Variants in ERCC6L2 observed in about 807,000 individuals in gnomAD.
ERCC6L2 encodes the protein ERCC excision repair 6 like 2.
A neutral mutation model predicts 132.0 loss-of-function variants in ERCC6L2; 77 were observed. The ratio of observed to expected loss-of-function variants is 0.58; its 90% CI spans 0.49 to 0.71. The LOEUF (loss-of-function observed/expected upper bound fraction) is 0.71. Ranked by LOEUF, ERCC6L2 falls within the 30% of genes least tolerant of loss-of-function variation. The pLI is 0.00. For synonymous variants in ERCC6L2, 583 were observed against 632.4 expected (o/e 0.92, Z 1.17); for missense variants, 1,542 against 1,837.6 (o/e 0.84, Z 2.94).
intron 3 of ERCC6L2, 140 bp from the exon 4 acceptor site, chr9:95,906,938 A>G (rs979736122): frequency 1.6e-6 from 1 of 640,174 alleles, no homozygotes; most frequent in Non-Finnish European, 2.7e-6. Context: ...AGATATAGCT[A>G]ATCACTCAGT....
intron 12 of ERCC6L2, among the ~76,000 whole-genome samples, chr9:95,950,667 T>A (rs1047388712): frequency 4.6e-5 from 7 of 152,198 alleles, no homozygotes; most frequent in Non-Finnish European, 1.0e-4. Flanking sequence ...ATGCAAATAG[T>A]AACCAAAAGA....
At chr9:95,882,568 A>G (rs1277096070) in intron 2 of ERCC6L2, among the ~76,000 whole-genome samples, 1 of 152,146 alleles carries the variant, frequency 6.6e-6, no homozygotes, top group Admixed American at 6.5e-5. Flanking sequence ...TATTACCTCC[A>G]TTAGTTATTG....
chr9:95,883,059 T>C (rs559532752), intron 2 of ERCC6L2, among the ~76,000 whole-genome samples: 2 of 152,284 alleles, frequency 1.3e-5, no homozygotes, highest in South Asian at 4.1e-4. Context: ...TTTAAACTTG[T>C]ATTTGTTTTA....
rs1174324322 is a variant in ERCC6L2 at position 96,037,590 on chromosome 9, G to A, written c.*1504-1286G>A. Among the ~76,000 whole-genome samples, 3 of 152,322 alleles carry A rather than the reference G, an allele frequency of 2.0e-5. No homozygotes were observed. In the East Asian group the frequency reaches 5.8e-4, roughly 29 times the overall value. On this transcript the variant is annotated intron_variant and NMD_transcript_variant, in intron 19 of 20. Coordinates refer to the ERCC6L2 transcript ENST00000670016. ...GTCCACCAAAGCAGGAAATACAGTCGGGGAGGGCATGGAGCCAGGCACATG... is the reference window on the plus strand; with the variant it reads ...GTCCACCAAAGCAGGAAATACAGTCAGGGAGGGCATGGAGCCAGGCACATG...
Position 95,928,059 on chromosome 9 carries a change from T to G in ERCC6L2, c.1534-20T>G, listed in dbSNP as rs749962158. On this transcript the variant is annotated intron_variant, in intron 9 of 18. Coordinates refer to ENST00000653738, the MANE Select transcript of ERCC6L2 (RefSeq NM_020207.7). ...TTTTAGTTGGAACTGGTTCACTGAT[T>G]TTCTGTGGTTCATTTTCAGGTCCTT... 6.3e-7 allele frequency: 1 copy of G among 1,592,378 alleles called. No individual in the cohort carries two copies. The highest frequency in any genetic ancestry group is 1.1e-5 in the South Asian group (1 of 90,470).
At chr9:95,951,276 A>G (rs1309257105) in intron 12 of ERCC6L2, among the ~76,000 whole-genome samples, 1 of 152,186 alleles carries the variant, frequency 6.6e-6, no homozygotes, top group Admixed American at 6.5e-5. Context: ...ACAAATGAAA[A>G]CACACACCAC....
intron 12 of ERCC6L2, among the ~76,000 whole-genome samples, chr9:95,947,688 A>G (rs985327700): frequency 6.6e-6 from 1 of 152,220 alleles, no homozygotes; most frequent in Admixed American, 6.5e-5. Flanking sequence ...TTAGAGACTA[A>G]TGGAGCTGGT....
At chr9:95,969,444 A>G (rs1832313464) in intron 14 of ERCC6L2, among the ~76,000 whole-genome samples, 2 of 152,082 alleles carry the variant, frequency 1.3e-5, no homozygotes, top group Non-Finnish European at 2.9e-5. Flanking sequence ...GATGCTGTAT[A>G]TATTATCCAG....
Position 95,955,962 on chromosome 9 carries a change from A to G in ERCC6L2, c.1896A>G (p.Ile632Met). 6.2e-7 allele frequency: 1 copy of G among 1,608,422 alleles called. No homozygotes were observed. Among genetic ancestry groups the G allele is most frequent in the Non-Finnish European group, 8.5e-7 (1 of 1,177,058 alleles). The change falls in exon 13 of 19, where the codon ATA becomes ATG. Residue 632 changes from isoleucine (I) to methionine (M), a missense_variant. Physicochemically the swap from Ile to Met is conservative, Grantham distance 10. Transcript: ENST00000653738. ...QCRDVKVLRL[I>M]SLGTVEEIMY... is the part of the protein sequence containing the mutation. The stretch of plus-strand genomic sequence containing the variant: ...GAGATGTCAAAGTGCTTAGGCTGAT[A>G]TCCTTGGGAACTGTGGAGGAAATCA...
chr9:95,946,893 C>G (rs1831090078), intron 12 of ERCC6L2, among the ~76,000 whole-genome samples: 1 of 152,132 alleles, frequency 6.6e-6, no homozygotes, highest in South Asian at 2.1e-4. Flanking sequence ...AACCATGCCC[C>G]TATAAAAAGA....
chr9:95,948,455 C>G (rs948997924), intron 12 of ERCC6L2, among the ~76,000 whole-genome samples: 3 of 152,128 alleles, frequency 2.0e-5, no homozygotes, highest in African/African-American at 7.2e-5. Context: ...GAGTTTGAGA[C>G]CAGCCTGGCC....
In ERCC6L2 at chr9:95,996,675, C is replaced by T. The variant is rs557681436; in HGVS notation, c.3493-7845C>T. 9.2e-5 allele frequency among the ~76,000 whole-genome samples: 14 copies of T among 152,326 alleles called. No individual in the cohort carries two copies. In the East Asian group the frequency reaches 1.7e-3, roughly 19 times the overall value. ...TTATGCCAAATCTATTCCACTTGTG[C>T]TCCATAAATGAACCAACAAAGCCTG... On this transcript the variant is annotated intron_variant, in intron 17 of 18. Coordinates refer to ENST00000653738, the MANE Select transcript of ERCC6L2 (RefSeq NM_020207.7).
intron 11 of ERCC6L2, among the ~76,000 whole-genome samples, chr9:95,935,096 AT>A (rs1160678645): frequency 6.6e-6 from 1 of 152,190 alleles, no homozygotes; most frequent in Non-Finnish European, 1.5e-5. Flanking sequence ...AAATAAGAGA[AT>A]TTTTGCCTTT....
At chr9:95,883,452 A>G (rs940015302) in intron 2 of ERCC6L2, among the ~76,000 whole-genome samples, 1 of 152,228 alleles carries the variant, frequency 6.6e-6, no homozygotes, top group African/African-American at 2.4e-5. Context: ...AGGAAAATTA[A>G]TAAATTAATT....
chr9:95,994,628 T>C (rs1833412896), intron 17 of ERCC6L2, among the ~76,000 whole-genome samples: 1 of 152,220 alleles, frequency 6.6e-6, no homozygotes, highest in Non-Finnish European at 1.5e-5. Context: ...CCAAGCCTTC[T>C]CTGCACCTTG....
chr9:95,972,858 A>C lies in ERCC6L2; in HGVS notation c.3107A>C (p.Gln1036Pro), dbSNP rs376412922. Residue 1036 changes from glutamine (Q) to proline (P), a missense_variant, in exon 16 of 19, where the codon CAG becomes CCG. Transcript: ENST00000653738. Reference sequence around the variant, plus strand: ...GCAGCAAATGAGGATCATAACTCTCAGTTTATTGATGATTATTCATCCTCA... The same window carrying C: ...GCAGCAAATGAGGATCATAACTCTCCGTTTATTGATGATTATTCATCCTCA... ...VYAANEDHNS[Q>P]FIDDYSSSDE... 8.4e-6 allele frequency: 11 copies of C among 1,305,158 alleles called. No homozygotes were observed. Among genetic ancestry groups the C allele is most frequent in the Non-Finnish European group, 1.1e-5 (11 of 988,834 alleles). The allele number at this position is 1,305,158 out of a possible 1,614,324, so 80.8% of individuals were successfully genotyped here.
chr9:96,027,731 C>G (rs2133261085), intron 19 of ERCC6L2: 1 of 152,684 alleles, frequency 6.5e-6, no homozygotes, highest in South Asian at 2.1e-4. Context: ...TCCAAGGCCC[C>G]CGGCCGCTCT....
chr9:95,952,731 T>C (rs1330113511), intron 12 of ERCC6L2, among the ~76,000 whole-genome samples: 3 of 152,006 alleles, frequency 2.0e-5, no homozygotes, highest in Non-Finnish European at 4.4e-5. Flanking sequence ...AGCTGCTTGC[T>C]TGGGTGGCCA....
chr9:95,891,572 T>A (rs924831775), intron 2 of ERCC6L2, among the ~76,000 whole-genome samples: 3 of 152,052 alleles, frequency 2.0e-5, no homozygotes, highest in African/African-American at 7.2e-5. Flanking sequence ...AATTAGTGGG[T>A]TTTATGGTAA....
Sources: gnomAD v4.1 joint callset for allele counts (sites outside exome capture counted in the v4.1 genomes callset) on GRCh38, gnomAD v4.1.1 for gene constraint, MANE v1.5 for transcripts, NCBI Gene and HGNC (gene_info 2026-07-23, HGNC 2026-07-21) for gene names.